NRGN: variants seen among roughly 807,000 people sequenced by gnomAD.
The protein encoded by NRGN is neurogranin, also known as calmodulin-binding protein.
For synonymous variants in NRGN, 47 were observed against 52.8 expected (o/e 0.89, Z 0.47); for missense variants, 82 against 123.0 (o/e 0.67, Z 1.58).
chr11:124,745,772 C>T lies in NRGN; in HGVS notation c.*5+43C>T. On this transcript the variant is annotated intron_variant, in intron 2 of 3. Coordinates refer to ENST00000284292, the MANE Select transcript of NRGN (RefSeq NM_006176.3). This position sits in a 1 kb window ranked among gnomAD's most constrained non-coding sequence, Gnocchi z 6.4. Reference sequence around the variant, plus strand: ...CGGCTGGCTGACAGCTGCCCTTCCCCAGCCCTCCCCAGGAGCAGGGGGAGA... The same window carrying T: ...CGGCTGGCTGACAGCTGCCCTTCCCTAGCCCTCCCCAGGAGCAGGGGGAGA... 1.9e-6 allele frequency: 2 copies of T among 1,072,824 alleles called. No homozygotes were observed. The highest frequency in any genetic ancestry group is 2.5e-6 in the Non-Finnish European group (2 of 816,278). 66.5% of individuals were successfully genotyped at this position (1,072,824 alleles called of 1,614,324 possible). A position where few individuals can be genotyped will look rare whatever the true frequency, so the allele number is the denominator to read the frequency against.
Position 124,745,688 on chromosome 11 carries a change from C to T in NRGN, c.201C>T (p.Ala67=). 7.0e-7 allele frequency: 1 copy of T among 1,427,496 alleles called. No individual in the cohort carries two copies. The highest frequency in any genetic ancestry group is 2.8e-5 in the East Asian group (1 of 35,566). The allele number at this position is 1,427,496 out of a possible 1,614,324, so 88.4% of individuals were successfully genotyped here. Residue 67 remains alanine, a synonymous_variant, in exon 2 of 4, where the codon GCC becomes GCT. Coordinates refer to ENST00000284292, the MANE Select transcript of NRGN (RefSeq NM_006176.3). This position sits in a 1 kb window ranked among gnomAD's most constrained non-coding sequence, Gnocchi z 6.4. ...GGGGGCCTGGCGGAGCTGGGGTGGC[C>T]CGGGGAGGCGCGGGCGGCGGCCCCA... ...GPGGPGGAGV[A]RGGAGGGPSG... is the part of the protein sequence containing the mutation.
chr11:124,740,121 A>AT lies in NRGN; in HGVS notation c.15+22_15+23insT. ...CACCGTAAGTTAGAGGGCCCGGGGG[A>AT]GGGGCACTTGGCGGGGTCCGCTGCG... On this transcript the variant is annotated intron_variant, in intron 1 of 3. Transcript: ENST00000284292. This position sits in a 1 kb window ranked among gnomAD's most constrained non-coding sequence, Gnocchi z 7.5. 7.9e-7 allele frequency: 1 copy of AT among 1,269,276 alleles called. No homozygotes were observed. Among genetic ancestry groups the AT allele is most frequent in the African/African-American group, 1.7e-5 (1 of 60,284 alleles). 78.6% of individuals were successfully genotyped at this position (1,269,276 alleles called of 1,614,324 possible).
At chr11:124,742,832 G>C (rs1199062477) in intron 1 of NRGN, among the ~76,000 whole-genome samples, 2 of 152,174 alleles carry the variant, frequency 1.3e-5, no homozygotes, top group Non-Finnish European at 2.9e-5. Flanking sequence ...AAGCTATTCG[G>C]ATTTGGGAGC....
rs768603203 is a variant in NRGN, at chr11:124,745,496, C to T, written c.16-7C>T. The T allele has an allele frequency of 6.3e-7, 1 of 1,576,660 alleles. No individual in the cohort carries two copies. Among genetic ancestry groups the T allele is most frequent in the South Asian group, 1.1e-5 (1 of 87,166 alleles). ...ACCCCACAAGAACCCCCCTGCTTCGCCCCCAGGAGAACGCCTGCTCCAAGC... is the reference window on the plus strand; with the variant it reads ...ACCCCACAAGAACCCCCCTGCTTCGTCCCCAGGAGAACGCCTGCTCCAAGC... On this transcript the variant is annotated splice_region_variant and splice_polypyrimidine_tract_variant and intron_variant, in intron 1 of 3. Transcript: ENST00000284292. This position sits in a 1 kb window ranked among gnomAD's most constrained non-coding sequence, Gnocchi z 6.4.
At chr11:124,744,313 G>A (rs921739386) in intron 1 of NRGN, among the ~76,000 whole-genome samples, 5 of 152,242 alleles carry the variant, frequency 3.3e-5, no homozygotes, top group Non-Finnish European at 7.3e-5. Flanking sequence ...GCTAGGTTGT[G>A]CAAGAGACTT....
Position 124,745,344 on chromosome 11 carries a change from G to A in NRGN, c.16-159G>A, listed in dbSNP as rs975521744. 1.3e-5 allele frequency among the ~76,000 whole-genome samples: 2 copies of A among 151,906 alleles called. No homozygotes were observed. Among genetic ancestry groups the A allele is most frequent in the African/African-American group, 2.4e-5 (1 of 41,318 alleles). ...CGCCTGTCGCTGCCCATGCCCCAGT[G>A]AGTGTCCCTGCCATAGCCCTGCTCC... On this transcript the variant is annotated intron_variant, in intron 1 of 3. Transcript: ENST00000284292. This position sits in a 1 kb window ranked among gnomAD's most constrained non-coding sequence, Gnocchi z 6.4.
rs1591420669 is a variant in NRGN at position 124,740,053 on chromosome 11, T to C, written c.-32T>C. The C allele has an allele frequency of 8.4e-7, 1 of 1,191,898 alleles. No individual in the cohort carries two copies. The highest frequency in any genetic ancestry group is 1.1e-6 in the Non-Finnish European group (1 of 929,844). 73.8% of individuals were successfully genotyped at this position (1,191,898 alleles called of 1,614,324 possible). ...ACCCCACCCCCGCCCTGCGCCAGCC[T>C]TCGTCCCCGCAGAGGACCCCCCGAC... On this transcript the variant is annotated 5_prime_UTR_variant, in exon 1 of 4. Transcript: ENST00000284292. The surrounding 1 kb of genome is among the most constrained non-coding windows in gnomAD (Gnocchi z 7.5).
intron 1 of NRGN, among the ~76,000 whole-genome samples, chr11:124,741,652 T>C (rs180772106): frequency 1.2e-4 from 18 of 151,540 alleles, no homozygotes; most frequent in African/African-American, 4.1e-4. Flanking sequence ...GTAGAGAAGA[T>C]AAATGGATGG....
In NRGN at chr11:124,743,489, TC is replaced by T. The variant is rs1458386925; in HGVS notation, c.16-2012del. Among the ~76,000 whole-genome samples the T allele has an allele frequency of 7.2e-5, 11 of 152,334 alleles. No homozygotes were observed. In the East Asian group the frequency reaches 2.1e-3, roughly 29 times the overall value. On this transcript the variant is annotated intron_variant, in intron 1 of 3. Coordinates refer to ENST00000284292, the MANE Select transcript of NRGN (RefSeq NM_006176.3). ...GCACCCTAGACCTGTGTTTGGCCTT[TC>T]CACAACCATACCTGCCTTTTTGTAA...
chr11:124,741,196 C>T (rs1463028317), intron 1 of NRGN, among the ~76,000 whole-genome samples: 1 of 152,120 alleles, frequency 6.6e-6, no homozygotes, highest in Non-Finnish European at 1.5e-5. Flanking sequence ...GAATGCCTGC[C>T]CTGTAGCCAG....
At chr11:124,743,657 G>A (rs968651613) in intron 1 of NRGN, among the ~76,000 whole-genome samples, 14 of 152,146 alleles carry the variant, frequency 9.2e-5, no homozygotes, top group Admixed American at 2.0e-4. Flanking sequence ...GAAACATGGC[G>A]AGGGGAACCA....
In NRGN at chr11:124,746,737, C is replaced by G. The variant is rs1342287766; in HGVS notation, c.*357C>G. 1 of 152,380 alleles carries G rather than the reference C, an allele frequency of 6.6e-6. No individual in the cohort carries two copies. Among genetic ancestry groups the G allele is most frequent in the Non-Finnish European group, 1.5e-5 (1 of 68,072 alleles). The allele number at this position is 152,380 out of a possible 1,614,324, so 9.4% of individuals were successfully genotyped here. The stretch of plus-strand genomic sequence containing the variant: ...TCAGTGCGCTTTCCTGCGCGCACTG[C>G]GGAGGGCGCCCTAAGCGTCACCCAA... On this transcript the variant is annotated 3_prime_UTR_variant, in exon 4 of 4. Transcript: ENST00000284292.
At position 124,745,463 on chromosome 11, in the gene NRGN, A is replaced by T. The variant is rs2134446792; in HGVS notation, c.16-40A>T. 1.4e-6 allele frequency: 2 copies of T among 1,471,712 alleles called. No homozygotes were observed. Among genetic ancestry groups the T allele is most frequent in the Non-Finnish European group, 1.8e-6 (2 of 1,094,866 alleles). The allele number at this position is 1,471,712 out of a possible 1,614,324, so 91.2% of individuals were successfully genotyped here. On this transcript the variant is annotated intron_variant, in intron 1 of 3. Transcript: ENST00000284292. This position sits in a 1 kb window ranked among gnomAD's most constrained non-coding sequence, Gnocchi z 6.4. ...TCCTACCCCACTCCCGCGGATCAAGACCCAGTGACCCCACAAGAACCCCCC... is the reference window on the plus strand; with the variant it reads ...TCCTACCCCACTCCCGCGGATCAAGTCCCAGTGACCCCACAAGAACCCCCC...
Position 124,742,948 on chromosome 11 carries a change from C to T in NRGN, c.16-2555C>T, listed in dbSNP as rs187870328. On this transcript the variant is annotated intron_variant, in intron 1 of 3. Coordinates refer to ENST00000284292, the MANE Select transcript of NRGN (RefSeq NM_006176.3). ...AAGGCTTGGACCCCACTTTGCTGAC[C>T]AGGGCACCTTCCACCTCCTCCTCCC... is the stretch of plus-strand genomic sequence containing the variant. 1.6e-3 allele frequency among the ~76,000 whole-genome samples: 249 copies of T among 152,312 alleles called. No individual in the cohort carries two copies. The Middle Eastern group carries it at 0.02, about 12-fold the overall frequency.
At chr11:124,743,239 C>T (rs75219105) in intron 1 of NRGN, among the ~76,000 whole-genome samples, 4 of 152,116 alleles carry the variant, frequency 2.6e-5, no homozygotes, top group East Asian at 1.9e-4. Flanking sequence ...CCAGCTGGGG[C>T]GGGCGGTGAC....
chr11:124,746,852 C>A lies in NRGN; in HGVS notation c.*472C>A, dbSNP rs892774650. 1.3e-5 allele frequency: 2 copies of A among 152,752 alleles called. No individual in the cohort carries two copies. Among genetic ancestry groups the A allele is most frequent in the African/African-American group, 4.8e-5 (2 of 41,470 alleles). 9.5% of individuals were successfully genotyped at this position (152,752 alleles called of 1,614,324 possible). On this transcript the variant is annotated 3_prime_UTR_variant, in exon 4 of 4. Coordinates refer to ENST00000284292, the MANE Select transcript of NRGN (RefSeq NM_006176.3). ...ATCTCCGTGCCACTCCCGCCCCAGCCTAGCCCCAAGACTTTGGATCCGGGG... is the reference window on the plus strand; with the variant it reads ...ATCTCCGTGCCACTCCCGCCCCAGCATAGCCCCAAGACTTTGGATCCGGGG...
Position 124,746,726 on chromosome 11 carries a change from T to C in NRGN, c.*346T>C, listed in dbSNP as rs1944015995. On this transcript the variant is annotated 3_prime_UTR_variant, in exon 4 of 4. Coordinates refer to ENST00000284292, the MANE Select transcript of NRGN (RefSeq NM_006176.3). ...CCTCCGCAGCCTCAGTGCGCTTTCC[T>C]GCGCGCACTGCGGAGGGCGCCCTAA... is the stretch of plus-strand genomic sequence containing the variant. The C allele has an allele frequency of 6.6e-6, 1 of 152,390 alleles. No individual in the cohort carries two copies. The highest frequency in any genetic ancestry group is 2.1e-4 in the South Asian group (1 of 4,834). The allele number at this position is 152,390 out of a possible 1,614,324, so 9.4% of individuals were successfully genotyped here. A position where few individuals can be genotyped will look rare whatever the true frequency, so the allele number is the denominator to read the frequency against.
chr11:124,745,542 A>T lies in NRGN; in HGVS notation c.55A>T (p.Ile19Phe). The stretch of plus-strand genomic sequence containing the variant: ...CAAGCCGGACGACGACATTCTAGAC[A>T]TCCCGCTGGACGATCCCGGCGCCAA... ...CSKPDDDILD[I>F]PLDDPGANAA... The change falls in exon 2 of 4, where the codon ATC (isoleucine) becomes TTC (phenylalanine). Residue 19 changes from isoleucine (I) to phenylalanine (F), a missense_variant. By Grantham distance (21) the Ile-to-Phe change is conservative. Transcript: ENST00000284292. The surrounding 1 kb of genome is among the most constrained non-coding windows in gnomAD (Gnocchi z 6.4). The T allele has an allele frequency of 6.2e-7, 1 of 1,603,638 alleles. No homozygotes were observed. The highest frequency in any genetic ancestry group is 8.5e-7 in the Non-Finnish European group (1 of 1,176,320).
chr11:124,743,094 C>T (rs1441502540), intron 1 of NRGN, among the ~76,000 whole-genome samples: 1 of 152,236 alleles, frequency 6.6e-6, no homozygotes, highest in Admixed American at 6.5e-5. Context: ...AATCTCCTTC[C>T]ACTTCCACCT....
Sources: allele counts gnomAD v4.1 joint callset (sites outside exome capture counted in the v4.1 genomes callset), GRCh38; gene constraint gnomAD v4.1.1; non-coding constraint Gnocchi (gnomAD v3.1); transcripts MANE v1.5; gene names NCBI Gene and HGNC (gene_info 2026-07-23, HGNC 2026-07-21).